The following PRKCQ variants were observed in gnomAD, a reference collection of about 807,000 sequenced individuals.
PRKCQ encodes protein kinase C theta type.
In PRKCQ, 41 loss-of-function variants were observed where a neutral mutation model predicts 91.2. The observed-to-expected ratio is 0.45, with a 90% CI of 0.35 to 0.58. The LOEUF (loss-of-function observed/expected upper bound fraction) is 0.58. Ranked by LOEUF, PRKCQ falls within the 20% of genes least tolerant of loss-of-function variation. PRKCQ has a pLI of 0.00. For synonymous variants in PRKCQ, 307 were observed against 316.9 expected (o/e 0.97, Z 0.33); for missense variants, 673 against 896.5 (o/e 0.75, Z 3.18).
intron 3 of PRKCQ, 127 bp from the exon 4 acceptor site, chr10:6,507,623 G>A (rs1169580566): frequency 2.5e-6 from 2 of 802,702 alleles, no homozygotes; most frequent in Non-Finnish European, 4.3e-6. Flanking sequence ...ACTCTCCACT[G>A]TACTCAAACT....
the PRKCQ span, among the ~76,000 whole-genome samples, chr10:6,407,707 G>GGT: frequency 7.3e-5 from 11 of 151,394 alleles, no homozygotes; most frequent in African/African-American, 9.7e-5. This position sits in a 1 kb window ranked among gnomAD's most constrained non-coding sequence, Gnocchi z 4.0. Flanking sequence ...TGGTGTGTGT[G>GGT]GTGTGTGTGT....
chr10:6,463,942 C>T (rs1460466806), intron 13 of PRKCQ, among the ~76,000 whole-genome samples: 1 of 152,216 alleles, frequency 6.6e-6, no homozygotes, highest in Non-Finnish European at 1.5e-5. Flanking sequence ...GCCTCCACAT[C>T]AGGCTTTCCA....
At chr10:6,482,145 C>T (rs1333831013) in intron 11 of PRKCQ, among the ~76,000 whole-genome samples, 2 of 152,066 alleles carry the variant, frequency 1.3e-5, no homozygotes, top group African/African-American at 4.8e-5. Flanking sequence ...TCTCAAGCTA[C>T]AGTTTTCTTA....
chr10:6,502,123 G>C (rs1837949328), intron 4 of PRKCQ, among the ~76,000 whole-genome samples: 1 of 152,218 alleles, frequency 6.6e-6, no homozygotes, highest in Admixed American at 6.5e-5. Context: ...TGTTTTGACA[G>C]TGGCTGTTCT....
chr10:6,472,233 G>A (rs11598313), intron 12 of PRKCQ, among the ~76,000 whole-genome samples: 15,919 of 151,786 alleles, frequency 0.1, 1,050 homozygotes, highest in Non-Finnish European at 0.13. Flanking sequence ...GCGTGAACCC[G>A]GGAGGCAGAG....
At chr10:6,559,403 C>T (rs759902926) in intron 1 of PRKCQ, among the ~76,000 whole-genome samples, 1 of 152,180 alleles carries the variant, frequency 6.6e-6, no homozygotes, top group African/African-American at 2.4e-5. Context: ...CTCTGCCACC[C>T]AGGCTGGAGT....
chr10:6,485,906 G>A (rs764558755), intron 9 of PRKCQ, 129 bp downstream of exon 9: 34 of 731,306 alleles, frequency 4.6e-5, no homozygotes, highest in Non-Finnish European at 7.3e-5. Context: ...GAAAGCCAAG[G>A]GCAAGGCCGG....
rs539954567 is a variant in PRKCQ, at chr10:6,576,954, C to T, written c.-10+3257G>A. ...GAGGTTAAATGAAGCAGTAATGCCT[C>T]TTACATATAAATAAAATTCTGAGTA... On this transcript the variant is annotated intron_variant, in intron 1 of 17. Transcript: ENST00000263125. This position sits in a 1 kb window ranked among gnomAD's most constrained non-coding sequence, Gnocchi z 4.2. Among the ~76,000 whole-genome samples the T allele has an allele frequency of 1.3e-5, 2 of 152,110 alleles. No homozygotes were observed. The highest frequency in any genetic ancestry group is 4.2e-4 in the South Asian group (2 of 4,812).
At chr10:6,521,709 C>T (rs1371784382) in intron 1 of PRKCQ, among the ~76,000 whole-genome samples, 1 of 152,078 alleles carries the variant, frequency 6.6e-6, no homozygotes, top group African/African-American at 2.4e-5. Flanking sequence ...ATTATGTGAC[C>T]TTCCTCTGCA....
intron 15 of PRKCQ, among the ~76,000 whole-genome samples, chr10:6,447,350 C>T (rs533565290): frequency 1.4e-5 from 2 of 147,898 alleles, no homozygotes; most frequent in South Asian, 2.1e-4. Flanking sequence ...GAGGTTGCAG[C>T]GAGCCATGAT....
At chr10:6,474,329 A>G (rs1836154821) in intron 12 of PRKCQ, among the ~76,000 whole-genome samples, 2 of 152,222 alleles carry the variant, frequency 1.3e-5, no homozygotes, top group African/African-American at 4.8e-5. Flanking sequence ...CGACCCAGAG[A>G]CAGAGCTGTT....
At chr10:6,564,380 T>C (rs1454297439) in intron 1 of PRKCQ, among the ~76,000 whole-genome samples, 2 of 152,120 alleles carry the variant, frequency 1.3e-5, no homozygotes, top group Non-Finnish European at 2.9e-5. Context: ...TGCTGCAGCC[T>C]ATCCCTTTCC....
chr10:6,496,208 T>A (rs1439528191), intron 7 of PRKCQ, among the ~76,000 whole-genome samples: 1 of 94,864 alleles, frequency 1.1e-5, no homozygotes, highest in Non-Finnish European at 1.9e-5. Flanking sequence ...CAGAGTAAGA[T>A]TCCATCTCAA....
At chr10:6,396,951 C>CCAT in the PRKCQ span, among the ~76,000 whole-genome samples, 1 of 152,172 alleles carries the variant, frequency 6.6e-6, no homozygotes, top group Non-Finnish European at 1.5e-5. Context: ...ATGCGATTGC[C>CCAT]CATCTTTTTT....
At chr10:6,415,389 T>A in the PRKCQ span, among the ~76,000 whole-genome samples, 1 of 135,776 alleles carries the variant, frequency 7.4e-6, no homozygotes, top group Admixed American at 7.4e-5. Context: ...GAGAAAATCT[T>A]AAGCCCAAGA....
intron 3 of PRKCQ, among the ~76,000 whole-genome samples, chr10:6,510,199 TC>T (rs1185724438): frequency 2.6e-5 from 4 of 152,216 alleles, no homozygotes; most frequent in Non-Finnish European, 5.9e-5. Flanking sequence ...TGATATATTT[TC>T]TTTTATTTTG....
At chr10:6,502,119 G>C (rs1159743773) in intron 4 of PRKCQ, among the ~76,000 whole-genome samples, 1 of 152,200 alleles carries the variant, frequency 6.6e-6, no homozygotes, top group Non-Finnish European at 1.5e-5. Context: ...GACGTGTTTT[G>C]ACAGTGGCTG....
intron 15 of PRKCQ, among the ~76,000 whole-genome samples, chr10:6,449,908 T>C (rs1404086523): frequency 6.6e-6 from 1 of 152,174 alleles, no homozygotes; most frequent in African/African-American, 2.4e-5. Context: ...CCACCAGGCC[T>C]GCCCTAAAAG....
intron 17 of PRKCQ, 34 bp from the exon 18 acceptor site, chr10:6,428,396 A>C: frequency 6.3e-7 from 1 of 1,598,380 alleles, no homozygotes; most frequent in Non-Finnish European, 8.5e-7. Context: ...AAGAAAGAGA[A>C]GAAAAATCAG....
Sources: gnomAD v4.1 joint callset for allele counts (sites outside exome capture counted in the v4.1 genomes callset) on GRCh38, gnomAD v4.1.1 for gene constraint, Gnocchi (gnomAD v3.1) non-coding constraint, MANE v1.5 for transcripts, NCBI Gene and HGNC (gene_info 2026-07-23, HGNC 2026-07-21) for gene names.